DIABLO: variants seen among roughly 807,000 people sequenced by gnomAD.
DIABLO encodes the protein diablo IAP-binding mitochondrial protein.
Under a neutral mutation model 31.7 loss-of-function variants are expected in DIABLO, and 32 were observed. The observed-to-expected ratio is 1.01, with a 90% CI of 0.76 to 1.35. The LOEUF (loss-of-function observed/expected upper bound fraction) is 1.35, where lower values mean the gene tolerates loss of function less well. Among genes scored for constraint, DIABLO ranks in the 40% most tolerant of loss-of-function variants. The probability of loss-of-function intolerance (pLI) is 0.00; values close to 1 mark genes in which losing one functional copy is unlikely to be tolerated. For synonymous variants in DIABLO, 132 were observed against 103.2 expected (o/e 1.28, Z -1.69); for missense variants, 316 against 286.4 (o/e 1.10, Z -0.75).
At chr12:122,222,985 A>G (rs984255941) in intron 2 of DIABLO, among the ~76,000 whole-genome samples, 5 of 151,926 alleles carry the variant, frequency 3.3e-5, no homozygotes, top group Non-Finnish European at 4.4e-5. Flanking sequence ...AACTCCTGCT[A>G]ACTACGTTGA....
chr12:122,218,808 TG>T, intron 2 of DIABLO: 1 of 258,274 alleles, frequency 3.9e-6, no homozygotes, highest in Non-Finnish European at 7.4e-6. Flanking sequence ...TGGGCCGTAG[TG>T]GTGTGCGTCT....
intron 1 of DIABLO, chr12:122,225,010 C>A: frequency 2.5e-6 from 1 of 406,314 alleles, no homozygotes; most frequent in Non-Finnish European, 4.4e-6. Flanking sequence ...GTCAGGAATT[C>A]GAAATCTGCC....
At chr12:122,219,182 G>A (rs1291367732) in intron 2 of DIABLO, among the ~76,000 whole-genome samples, 4 of 151,700 alleles carry the variant, frequency 2.6e-5, no homozygotes, top group Admixed American at 6.6e-5. Flanking sequence ...GCAGTGAGCC[G>A]AGATTGCACC....
rs1593163559 is a variant in DIABLO, at chr12:122,208,020, T to A, written c.*361A>T. 2.0e-6 allele frequency: 1 copy of A among 503,778 alleles called. No individual in the cohort carries two copies. Among genetic ancestry groups the A allele is most frequent in the African/African-American group, 1.9e-5 (1 of 51,954 alleles). 31.2% of individuals were successfully genotyped at this position (503,778 alleles called of 1,614,324 possible). A position where few individuals can be genotyped will look rare whatever the true frequency, so the allele number is the denominator to read the frequency against. The stretch of plus-strand genomic sequence containing the variant: ...ACTAAATCATTTTTGACGACGTAAA[T>A]AAGACTGAAAACAGGTTAAACAGTT... On this transcript the variant is annotated 3_prime_UTR_variant, in exon 6 of 6. Coordinates refer to ENST00000464942, the MANE Select transcript of DIABLO (RefSeq NM_001371333.1).
intron 2 of DIABLO, among the ~76,000 whole-genome samples, chr12:122,224,087 C>T (rs555815173): frequency 3.9e-5 from 6 of 152,290 alleles, no homozygotes; most frequent in South Asian, 4.1e-4. Context: ...CCACTGTGCC[C>T]GGCCCTGTTT....
chr12:122,218,617 G>A (rs1412094941), intron 2 of DIABLO: 4 of 564,700 alleles, frequency 7.1e-6, no homozygotes, highest in South Asian at 4.0e-5. Context: ...TTCATTCTCT[G>A]CTCCAAAAAG....
At chr12:122,214,887 C>T (rs1480516382) in intron 5 of DIABLO, among the ~76,000 whole-genome samples, 2 of 152,128 alleles carry the variant, frequency 1.3e-5, no homozygotes, top group Admixed American at 1.3e-4. Flanking sequence ...GACAGGGTTT[C>T]ACCACGGTGG....
chr12:122,215,483 A>AATCCCAGCTACTTGGGAGGC (rs1954187765), intron 5 of DIABLO, among the ~76,000 whole-genome samples: 1 of 152,138 alleles, frequency 6.6e-6, no homozygotes, highest in Admixed American at 6.5e-5. Flanking sequence ...GGGTGCCTGT[A>AATCCCAGCTACTTGGGAGGC]ATCCCAGCTA....
At chr12:122,219,532 G>C (rs1954289003) in intron 2 of DIABLO, among the ~76,000 whole-genome samples, 1 of 152,032 alleles carries the variant, frequency 6.6e-6, no homozygotes, top group Non-Finnish European at 1.5e-5. Flanking sequence ...CTTAGAAAAG[G>C]CTTCACAAGT....
intron 2 of DIABLO, chr12:122,221,848 G>T (rs1369995450): frequency 2.0e-5 from 3 of 152,128 alleles, no homozygotes; most frequent in African/African-American, 7.2e-5. Context: ...TCTTTTGAAT[G>T]AAAAAAACAA....
At chr12:122,212,111 T>G (rs896771365) in intron 5 of DIABLO, among the ~76,000 whole-genome samples, 1 of 151,922 alleles carries the variant, frequency 6.6e-6, no homozygotes, top group Non-Finnish European at 1.5e-5. Context: ...GCTGGGATCA[T>G]AGGTGTGAAC....
chr12:122,213,698 TG>T (rs1013475474), intron 5 of DIABLO, among the ~76,000 whole-genome samples: 14 of 152,272 alleles, frequency 9.2e-5, no homozygotes, highest in Admixed American at 2.0e-4. Context: ...CATGTTTGTG[TG>T]GCACAACTAT....
At chr12:122,209,756 G>C in intron 5 of DIABLO, 2 of 703,142 alleles carry the variant, frequency 2.8e-6, no homozygotes, top group Non-Finnish European at 5.2e-6. Flanking sequence ...TTCGTCTGTA[G>C]AACATTTTGA....
intron 1 of DIABLO, chr12:122,225,227 G>GAAAAAAA: frequency 5.5e-6 from 1 of 180,684 alleles, no homozygotes; most frequent in Non-Finnish European, 9.3e-6. Flanking sequence ...AAAACAAAAA[G>GAAAAAAA]AAAAAAAAAA....
At position 122,225,683 on chromosome 12, in the gene DIABLO, G is replaced by A. The variant is rs1593184732; in HGVS notation, c.50+282C>T. The A allele has an allele frequency of 1.5e-5, 21 of 1,388,940 alleles. No homozygotes were observed. In the East Asian group the frequency reaches 5.0e-4, roughly 33 times the overall value. The allele number at this position is 1,388,940 out of a possible 1,614,324, so 86.0% of individuals were successfully genotyped here. On this transcript the variant is annotated intron_variant, in intron 1 of 5. Coordinates refer to ENST00000464942, the MANE Select transcript of DIABLO (RefSeq NM_001371333.1). ...GTCTCCTCAGGGACTTCGAGTGGCTGACGAGGGCTGGTCAGGAGGCGGAGC... is the reference window on the plus strand; with the variant it reads ...GTCTCCTCAGGGACTTCGAGTGGCTAACGAGGGCTGGTCAGGAGGCGGAGC...
chr12:122,218,144 T>G, intron 3 of DIABLO, 122 bp downstream of exon 3: 1 of 1,233,580 alleles, frequency 8.1e-7, no homozygotes, highest in South Asian at 1.3e-5. Flanking sequence ...TGACAACACA[T>G]AAACAAATAG....
chr12:122,216,447 A>C, intron 5 of DIABLO, 41 bp downstream of exon 5: 1 of 1,543,760 alleles, frequency 6.5e-7, no homozygotes, highest in Non-Finnish European at 8.9e-7. Context: ...CTTCCTAGTT[A>C]AAAAATTAAA....
chr12:122,217,118 G>A, intron 3 of DIABLO: 1 of 449,290 alleles, frequency 2.2e-6, no homozygotes, highest in South Asian at 2.2e-5. Flanking sequence ...ACAATGCAAG[G>A]GAAAACTTTA....
Position 122,214,684 on chromosome 12 carries a change from C to T in DIABLO, c.523+1804G>A, listed in dbSNP as rs148003262. ...TGCCTGCCTTGGCTTCCCAAAGACA[C>T]GCGTTGAGTCCCTGTGCCTGACTCA... On this transcript the variant is annotated intron_variant, in intron 5 of 5. Coordinates refer to ENST00000464942, the MANE Select transcript of DIABLO (RefSeq NM_001371333.1). Among the ~76,000 whole-genome samples, 176 of 152,156 alleles carry T rather than the reference C, an allele frequency of 1.2e-3. 3 individuals are homozygous for T. Among genetic ancestry groups the T allele is most frequent in the African/African-American group, 3.7e-3 (154 of 41,494 alleles).
Sources: gnomAD v4.1 joint callset for allele counts (sites outside exome capture counted in the v4.1 genomes callset) on GRCh38, gnomAD v4.1.1 for gene constraint, MANE v1.5 for transcripts, NCBI Gene and HGNC (gene_info 2026-07-23, HGNC 2026-07-21) for gene names.